NRXN3: variants seen among roughly 807,000 people sequenced by gnomAD.
The protein encoded by NRXN3 is neurexin 3, also known as neurexin III.
A neutral mutation model predicts 137.6 loss-of-function variants in NRXN3; 32 were observed. The observed-to-expected ratio is 0.23, with a 90% CI of 0.18 to 0.31. NRXN3 has a LOEUF of 0.31. Among genes scored for constraint, NRXN3 ranks in the 10% least tolerant of loss-of-function variants. NRXN3 has a pLI of 1.00. For synonymous variants in NRXN3, 798 were observed against 784.5 expected (o/e 1.02, Z -0.29); for missense variants, 1,574 against 2,062.5 (o/e 0.76, Z 4.59).
intron 4 of NRXN3, among the ~76,000 whole-genome samples, chr14:78,373,198 A>T (rs754027492): frequency 3.3e-5 from 5 of 152,316 alleles, no homozygotes; most frequent in Middle Eastern, 3.4e-3. Context: ...TTTACAGTGG[A>T]TATGTGTGTT....
intron 15 of NRXN3, among the ~76,000 whole-genome samples, chr14:79,113,023 A>G (rs760227886): frequency 6.6e-6 from 1 of 152,226 alleles, no homozygotes; most frequent in Non-Finnish European, 1.5e-5. Context: ...GACCTTTCTC[A>G]GCCTCAGCTC....
intron 15 of NRXN3, among the ~76,000 whole-genome samples, chr14:79,412,918 T>A (rs1254811583): frequency 6.6e-6 from 1 of 151,884 alleles, no homozygotes; most frequent in East Asian, 1.9e-4. Context: ...AGGCCTCCAG[T>A]TGAAGTTGTG....
At chr14:78,753,409 G>A (rs1178335355) in intron 8 of NRXN3, among the ~76,000 whole-genome samples, 4 of 152,164 alleles carry the variant, frequency 2.6e-5, no homozygotes, top group Admixed American at 1.3e-4. Context: ...TTTAGAGATT[G>A]CACTCTCTTC....
intron 16 of NRXN3, among the ~76,000 whole-genome samples, chr14:79,475,902 C>A (rs979058386): frequency 6.6e-6 from 1 of 152,070 alleles, no homozygotes; most frequent in African/African-American, 2.4e-5. Flanking sequence ...TGAATAAGTT[C>A]TGAATAGCAG....
chr14:79,247,107 A>G (rs748445901), intron 15 of NRXN3: 1 of 152,146 alleles, frequency 6.6e-6, no homozygotes, highest in Non-Finnish European at 1.5e-5. Flanking sequence ...ACCATACTGT[A>G]AAGGAAAGAA....
intron 4 of NRXN3, among the ~76,000 whole-genome samples, chr14:78,504,437 G>T (rs770465211): frequency 3.2e-4 from 49 of 152,112 alleles, no homozygotes; most frequent in Non-Finnish European, 5.6e-4. Flanking sequence ...ACTACTTAGG[G>T]CATGGGAAGA....
chr14:78,534,803 C>T (rs1318566007), intron 4 of NRXN3, among the ~76,000 whole-genome samples: 2 of 152,056 alleles, frequency 1.3e-5, no homozygotes, highest in African/African-American at 4.8e-5. Context: ...CTCCTTTTTT[C>T]TTTTCATTGC....
At chr14:79,403,284 G>A (rs913533539) in intron 15 of NRXN3, among the ~76,000 whole-genome samples, 17 of 152,140 alleles carry the variant, frequency 1.1e-4, no homozygotes, top group African/African-American at 3.9e-4. Context: ...CCTATGCTAG[G>A]GATGAGGACA....
chr14:79,305,245 C>T (rs752215291), intron 15 of NRXN3, among the ~76,000 whole-genome samples: 6 of 152,010 alleles, frequency 3.9e-5, no homozygotes, highest in South Asian at 2.1e-4. Flanking sequence ...GCCTAGCATT[C>T]GTAAATACTC....
At chr14:78,994,630 A>T (rs544337306) in intron 15 of NRXN3, among the ~76,000 whole-genome samples, 1 of 152,346 alleles carries the variant, frequency 6.6e-6, no homozygotes, top group East Asian at 1.9e-4. Context: ...TAAATGATAA[A>T]AGAAATCAAA....
chr14:79,204,615 A>C lies in NRXN3; in HGVS notation c.3262+216474A>C, dbSNP rs80032053. ...AATGTCTGAATATGCTCATTTTCAT[A>C]TTTTAAGTCATCATCAATTAAACAT... On this transcript the variant is annotated intron_variant, in intron 15 of 20. Transcript: ENST00000335750. Among the ~76,000 whole-genome samples, 540 of 152,228 alleles carry C rather than the reference A, an allele frequency of 3.5e-3. 14 individuals carry two copies. In the East Asian group the frequency reaches 0.076, roughly 21 times the overall value.
chr14:78,927,443 C>A (rs1195557931), intron 10 of NRXN3, among the ~76,000 whole-genome samples: 1 of 152,046 alleles, frequency 6.6e-6, no homozygotes, highest in Admixed American at 6.6e-5. Flanking sequence ...CAGTGGCAAC[C>A]ACAGTAGCCT....
intron 6 of NRXN3, among the ~76,000 whole-genome samples, chr14:78,667,585 T>G (rs935223805): frequency 2.6e-5 from 4 of 152,176 alleles, no homozygotes; most frequent in African/African-American, 9.7e-5. Flanking sequence ...TGTAAGAAAG[T>G]TGCTGTTTCT....
rs1195210930 is a variant in NRXN3, at chr14:79,862,862, A to T, written c.*898A>T. On this transcript the variant is annotated 3_prime_UTR_variant, in exon 21 of 21. Transcript: ENST00000335750. ...AACAGATGGGTTTAGGGCTGGTGTT[A>T]TCAGAGCTATTGGCTTTACGTAACA... 9 of 152,500 alleles carry T rather than the reference A, an allele frequency of 5.9e-5. No homozygotes were observed. Among genetic ancestry groups the T allele is most frequent in the Admixed American group, 5.9e-4 (9 of 15,272 alleles). 9.4% of individuals were successfully genotyped at this position (152,500 alleles called of 1,614,324 possible).
rs184211349 is a variant in NRXN3 at position 79,298,358 on chromosome 14, C to G, written c.3263-168863C>G. 1.5e-3 allele frequency among the ~76,000 whole-genome samples: 224 copies of G among 152,132 alleles called. 2 individuals carry two copies. Among genetic ancestry groups the G allele is most frequent in the Admixed American group, 2.7e-3 (41 of 15,256 alleles). ...CAGTTATTCAAATTTGTGTTGAAAGCAAATCCTTTCACTGCTTATTTTTCA... is the reference window on the plus strand; with the variant it reads ...CAGTTATTCAAATTTGTGTTGAAAGGAAATCCTTTCACTGCTTATTTTTCA... On this transcript the variant is annotated intron_variant, in intron 15 of 20. Coordinates refer to ENST00000335750, the MANE Select transcript of NRXN3 (RefSeq NM_001330195.2).
chr14:78,967,184 GT>G (rs10603296), intron 12 of NRXN3, 23 bp from the exon 13 acceptor site: 240,949 of 1,365,482 alleles, frequency 0.18, 4,660 homozygotes, highest in East Asian at 0.32. Context: ...TCCAATTATT[GT>G]TTTTTTTTTT....
At chr14:79,246,367 A>T (rs911723850) in intron 15 of NRXN3, among the ~76,000 whole-genome samples, 9 of 152,176 alleles carry the variant, frequency 5.9e-5, no homozygotes, top group African/African-American at 1.9e-4. Context: ...GATTACATGG[A>T]GTTAAATACA....
intron 15 of NRXN3, among the ~76,000 whole-genome samples, chr14:79,372,861 G>A (rs1013150833): frequency 3.3e-5 from 5 of 151,420 alleles, no homozygotes; most frequent in South Asian, 2.1e-4. Context: ...TATTTTTATC[G>A]TGCATATCAC....
intron 15 of NRXN3, among the ~76,000 whole-genome samples, chr14:79,307,477 AATAAACACCT>A (rs1307886222): frequency 1.3e-5 from 2 of 152,164 alleles, no homozygotes; most frequent in Non-Finnish European, 2.9e-5. Context: ...AGATTAAAGC[AATAAACACCT>A]ATTATCTCAT....
Sources: gnomAD v4.1 joint callset for allele counts (sites outside exome capture counted in the v4.1 genomes callset) on GRCh38, gnomAD v4.1.1 for gene constraint, MANE v1.5 for transcripts, NCBI Gene and HGNC (gene_info 2026-07-23, HGNC 2026-07-21) for gene names.